ZEB2: variants seen among roughly 807,000 people sequenced by gnomAD.
ZEB2 encodes zinc finger E-box-binding homeobox 2.
In ZEB2, 6 loss-of-function variants were observed where a neutral mutation model predicts 99.9. The ratio of observed to expected loss-of-function variants is 0.06; its 90% confidence interval spans 0.03 to 0.12. ZEB2 has a LOEUF of 0.12. Among genes scored for constraint, ZEB2 ranks in the 10% least tolerant of loss-of-function variants. The probability of loss-of-function intolerance (pLI) is 1.00; values close to 1 mark genes in which losing one functional copy is unlikely to be tolerated. For synonymous variants in ZEB2, 517 were observed against 542.5 expected (o/e 0.95, Z 0.65); for missense variants, 969 against 1,502.8 (o/e 0.64, Z 5.87).
intron 6 of ZEB2, among the ~76,000 whole-genome samples, chr2:144,402,747 G>A (rs186578216): frequency 2.0e-4 from 31 of 152,164 alleles, no homozygotes; most frequent in African/African-American, 7.5e-4. Flanking sequence ...ATATAAGCAA[G>A]GGGAGATAAA....
chr2:144,447,968 G>C (rs1287696902), intron 2 of ZEB2, among the ~76,000 whole-genome samples: 1 of 152,164 alleles, frequency 6.6e-6, no homozygotes, highest in Non-Finnish European at 1.5e-5. Context: ...CCTTTATTAA[G>C]TGGAGGACAA....
chr2:144,510,722 C>CTCTCTCTT (rs1262249456), intron 2 of ZEB2, among the ~76,000 whole-genome samples: 37 of 151,892 alleles, frequency 2.4e-4, no homozygotes, highest in African/African-American at 8.9e-4. Flanking sequence ...CTCTCTTTCT[C>CTCTCTCTT]TCTCTCTTTC....
At chr2:144,491,024 G>C (rs750231812) in intron 2 of ZEB2, among the ~76,000 whole-genome samples, 5 of 152,226 alleles carry the variant, frequency 3.3e-5, no homozygotes, top group African/African-American at 4.8e-5. Context: ...TCCGTGCGTT[G>C]AGGACTCCCC....
At chr2:144,470,916 G>C (rs1704346346) in intron 2 of ZEB2, among the ~76,000 whole-genome samples, 1 of 152,084 alleles carries the variant, frequency 6.6e-6, no homozygotes, top group Admixed American at 6.6e-5. Context: ...AAAGCCTGTT[G>C]TTCTTCAATG....
chr2:144,483,163 CAT>C (rs1704543218), intron 2 of ZEB2, among the ~76,000 whole-genome samples: 2 of 128,966 alleles, frequency 1.6e-5, no homozygotes, highest in Non-Finnish European at 1.7e-5. Flanking sequence ...CACACACACA[CAT>C]ACCCTAAGAC....
chr2:144,448,131 G>A (rs762839072), intron 2 of ZEB2, among the ~76,000 whole-genome samples: 14 of 152,150 alleles, frequency 9.2e-5, no homozygotes, highest in Admixed American at 7.9e-4. Flanking sequence ...AGTGAGTTCC[G>A]TATCATTCTT....
At chr2:144,497,381 G>C (rs1043187530) in intron 2 of ZEB2, among the ~76,000 whole-genome samples, 3 of 152,146 alleles carry the variant, frequency 2.0e-5, no homozygotes, top group African/African-American at 7.2e-5. Context: ...CTCAGCCAGA[G>C]CCTGCACATA....
chr2:144,442,860 C>T (rs764123262), intron 2 of ZEB2, among the ~76,000 whole-genome samples: 5 of 151,968 alleles, frequency 3.3e-5, no homozygotes, highest in East Asian at 1.9e-4. Flanking sequence ...ACATACATTG[C>T]GTGGCACAGA....
At chr2:144,498,674 G>A (rs1246638089) in intron 2 of ZEB2, among the ~76,000 whole-genome samples, 6 of 152,122 alleles carry the variant, frequency 3.9e-5, no homozygotes, top group African/African-American at 7.2e-5. Flanking sequence ...TGAGAGAAAC[G>A]ATGGCATGCC....
intron 4 of ZEB2, among the ~76,000 whole-genome samples, chr2:144,412,370 G>C (rs1703477010): frequency 2.0e-5 from 3 of 152,196 alleles, no homozygotes. Context: ...CAAAAAGATA[G>C]ACTAGTTTAT....
At chr2:144,508,987 A>C (rs1216621994) in intron 2 of ZEB2, among the ~76,000 whole-genome samples, 1 of 151,612 alleles carries the variant, frequency 6.6e-6, no homozygotes, top group Non-Finnish European at 1.5e-5. Context: ...TTCCCTTGCC[A>C]ATTATAAACC....
rs779551719 is a variant in ZEB2, at chr2:144,399,930, C to G, written c.1257G>C (p.Gly419=). ...FSGTSPFMNG[G]LGATSPLGVH... ...CTCCTAAAGGGCTGGTGGCTCCAAG[C>G]CCACCATTCATAAAGGGACTAGTGC... Residue 419 remains glycine (G), a synonymous_variant, in exon 8 of 10, where the codon GGG becomes GGC. Coordinates refer to ENST00000627532, the MANE Select transcript of ZEB2 (RefSeq NM_014795.4). The surrounding 1 kb of genome is among the most constrained non-coding windows in gnomAD (Gnocchi z 5.6). The G allele has an allele frequency of 1.2e-6, 2 of 1,614,064 alleles. No individual in the cohort carries two copies. The highest frequency in any genetic ancestry group is 1.7e-6 in the Non-Finnish European group (2 of 1,180,028).
chr2:144,427,195 T>C (rs557000447), intron 3 of ZEB2: 3 of 152,340 alleles, frequency 2.0e-5, no homozygotes, highest in African/African-American at 7.2e-5. Context: ...GAGGCCAAGA[T>C]GCAGGTGATT....
intron 2 of ZEB2, chr2:144,448,979 TA>T (rs1704020937): frequency 6.6e-6 from 1 of 152,198 alleles, no homozygotes. Flanking sequence ...CTTAGGTACT[TA>T]TTTTTTTTGT....
rs16823789 is a variant in ZEB2 at position 144,470,583 on chromosome 2, G to C, written c.74-40557C>G. On this transcript the variant is annotated intron_variant, in intron 2 of 9. Coordinates refer to ENST00000627532, the MANE Select transcript of ZEB2 (RefSeq NM_014795.4). ...GGGCTGTTACATTTACTTTGTAGCAGTAAAATTCAATTTTCAAAAAACACT... is the reference window on the plus strand; with the variant it reads ...GGGCTGTTACATTTACTTTGTAGCACTAAAATTCAATTTTCAAAAAACACT... The C allele has an allele frequency of 5.9e-5, 9 of 152,234 alleles. No homozygotes were observed. In the East Asian group the frequency reaches 1.4e-3, roughly 23 times the overall value. The allele number at this position is 152,234 out of a possible 1,614,324, so 9.4% of individuals were successfully genotyped here.
intron 2 of ZEB2, among the ~76,000 whole-genome samples, chr2:144,448,363 G>A (rs192233413): frequency 1.1e-4 from 17 of 152,198 alleles, no homozygotes; most frequent in African/African-American, 3.1e-4. Context: ...GTAGGCAGCC[G>A]GACTCCATTT....
intron 2 of ZEB2, among the ~76,000 whole-genome samples, chr2:144,478,772 C>G (rs1041757639): frequency 6.6e-5 from 10 of 152,222 alleles, no homozygotes; most frequent in African/African-American, 2.4e-4. Flanking sequence ...ACTGCTAAAG[C>G]TTAGAACACT....
At chr2:144,487,630 T>C (rs1276495764) in intron 2 of ZEB2, among the ~76,000 whole-genome samples, 1 of 152,226 alleles carries the variant, frequency 6.6e-6, no homozygotes, top group Non-Finnish European at 1.5e-5. Flanking sequence ...GAAAGCTTAC[T>C]AGGTTTTCAA....
intron 2 of ZEB2, among the ~76,000 whole-genome samples, chr2:144,468,231 T>A (rs1421022085): frequency 6.6e-6 from 1 of 152,110 alleles, no homozygotes; most frequent in Non-Finnish European, 1.5e-5. Context: ...ATTCCATTTA[T>A]AGAGGTAATG....
Sources: allele counts gnomAD v4.1 joint callset (sites outside exome capture counted in the v4.1 genomes callset), GRCh38; gene constraint gnomAD v4.1.1; non-coding constraint Gnocchi (gnomAD v3.1); transcripts MANE v1.5; gene names NCBI Gene and HGNC (gene_info 2026-07-23, HGNC 2026-07-21).